The following C7 variants were observed in gnomAD, a reference collection of about 807,000 sequenced individuals.
C7 encodes the protein complement C7.
C7 carries 83 observed loss-of-function variants against 104.8 expected under a neutral mutation model. That is an observed-to-expected ratio of 0.79 (90% CI 0.66 to 0.95). The LOEUF is 0.95. Ranked by LOEUF, C7 falls within the 40% of genes least tolerant of loss-of-function variation. The probability of loss-of-function intolerance (pLI) is 0.00; values close to 1 mark genes in which losing one functional copy is unlikely to be tolerated. For synonymous variants in C7, 415 were observed against 360.6 expected, an observed-to-expected ratio of 1.15 and a Z score of -1.71; for missense variants, 1,070 against 1,011.2, an observed-to-expected ratio of 1.06 and a Z score of -0.79.
intron 4 of C7, among the ~76,000 whole-genome samples, chr5:40,935,506 G>A (rs1156990698): frequency 6.6e-6 from 1 of 152,160 alleles, no homozygotes; most frequent in Non-Finnish European, 1.5e-5. Context: ...AGGCAGCGAT[G>A]GTTTTCAAGA....
intron 10 of C7, among the ~76,000 whole-genome samples, chr5:40,955,883 A>C (rs1215051834): frequency 1.3e-5 from 2 of 152,154 alleles, no homozygotes; most frequent in Admixed American, 6.5e-5. Context: ...AGCAAGGGGA[A>C]GGCATGAAGT....
chr5:40,973,891 T>G (rs1740753055), intron 15 of C7, among the ~76,000 whole-genome samples: 1 of 152,174 alleles, frequency 6.6e-6, no homozygotes, highest in Non-Finnish European at 1.5e-5. Context: ...TTAAAGTGGG[T>G]TTTAATTAAG....
intron 6 of C7, among the ~76,000 whole-genome samples, chr5:40,938,380 A>G (rs1228563307): frequency 6.6e-6 from 1 of 151,900 alleles, no homozygotes; most frequent in Admixed American, 6.6e-5. Flanking sequence ...TTCTTCTGTT[A>G]CTTTTTTCAC....
At chr5:40,926,607 A>G (rs1241441404) in intron 1 of C7, among the ~76,000 whole-genome samples, 2 of 152,224 alleles carry the variant, frequency 1.3e-5, no homozygotes, top group Non-Finnish European at 2.9e-5. Context: ...GTACATTTCC[A>G]TAAACTAACA....
chr5:40,960,958 G>A (rs551877364), intron 12 of C7, among the ~76,000 whole-genome samples: 73 of 152,118 alleles, frequency 4.8e-4, no homozygotes, highest in African/African-American at 1.6e-3. Context: ...TGGCACTTGT[G>A]GGATGATATT....
At chr5:40,964,601 T>A in intron 13 of C7, 140 bp from the exon 14 acceptor site, 1 of 700,670 alleles carries the variant, frequency 1.4e-6, no homozygotes, top group Non-Finnish European at 2.4e-6. Flanking sequence ...GGGGAAAATG[T>A]TTTTATAGAC....
intron 1 of C7, among the ~76,000 whole-genome samples, chr5:40,916,053 G>T (rs1653638624): frequency 6.6e-6 from 1 of 150,964 alleles, no homozygotes; most frequent in Non-Finnish European, 1.5e-5. Context: ...GTAAAGATTT[G>T]AATTGTATCT....
chr5:40,942,955 G>A (rs1204033586), intron 6 of C7, among the ~76,000 whole-genome samples: 1 of 152,022 alleles, frequency 6.6e-6, no homozygotes, highest in Non-Finnish European at 1.5e-5. Context: ...AGTAGAGATG[G>A]GTTTCACCAT....
intron 6 of C7, among the ~76,000 whole-genome samples, chr5:40,938,745 T>C (rs1428439743): frequency 6.6e-6 from 1 of 152,194 alleles, no homozygotes; most frequent in Non-Finnish European, 1.5e-5. Context: ...TCAAAAGCTA[T>C]TTCTGTCATA....
At position 40,947,616 on chromosome 5, in the gene C7, G is replaced by A; in HGVS notation, c.753G>A (p.Leu251=). The A allele has an allele frequency of 6.2e-7, 1 of 1,613,182 alleles. No homozygotes were observed. The highest frequency in any genetic ancestry group is 8.5e-7 in the Non-Finnish European group (1 of 1,179,576). The change falls in exon 8 of 18, where the codon CTG becomes CTA. Residue 251 remains leucine (L), a synonymous_variant. Transcript: ENST00000313164. ...TCTTTCCACAGAGTTACCAACTGCT[G>A]GTTGTTGAGAACACTGTTGAAGTGG... is the stretch of plus-strand genomic sequence containing the variant. ...EIHKGKSYQL[L]VVENTVEVAQ...
chr5:40,945,863 CAAAA>C (rs1164817868), intron 7 of C7, among the ~76,000 whole-genome samples: 1 of 105,528 alleles, frequency 9.5e-6, no homozygotes, highest in African/African-American at 3.2e-5. Context: ...GACCCTGTCT[CAAAA>C]AAAAATACAT....
At chr5:40,949,826 C>G (rs375143087) in intron 8 of C7, 78 bp from the exon 9 acceptor site, 2 of 881,718 alleles carry the variant, frequency 2.3e-6, no homozygotes, top group Admixed American at 4.0e-5. Context: ...CAAACAACCT[C>G]TTATCCCTAC....
intron 14 of C7, among the ~76,000 whole-genome samples, chr5:40,970,233 T>C (rs182499813): frequency 6.6e-6 from 1 of 152,316 alleles, no homozygotes; most frequent in African/African-American, 2.4e-5. Context: ...TTTGAATGAA[T>C]AAATGAATGA....
intron 14 of C7, among the ~76,000 whole-genome samples, chr5:40,969,012 C>A (rs1740632233): frequency 6.6e-6 from 1 of 152,084 alleles, no homozygotes; most frequent in Admixed American, 6.6e-5. Flanking sequence ...TTACAAAAAA[C>A]TGACTAGAAA....
intron 1 of C7, among the ~76,000 whole-genome samples, chr5:40,914,753 A>T (rs559978338): frequency 6.6e-6 from 1 of 152,204 alleles, no homozygotes; most frequent in Non-Finnish European, 1.5e-5. Flanking sequence ...GGCCATCCCT[A>T]TTCTCAAGAG....
Position 40,920,812 on chromosome 5 carries a change from G to A in C7, c.7-7768G>A, listed in dbSNP as rs186568083. 2.0e-5 allele frequency among the ~76,000 whole-genome samples: 3 copies of A among 152,266 alleles called. No individual in the cohort carries two copies. In the East Asian group the frequency reaches 5.8e-4, roughly 29 times the overall value. ...GCCCATAATCCCAGCACTTTGGGAGGCCAAGGAGGGTGGATCACCTGAGGT... is the reference window on the plus strand; with the variant it reads ...GCCCATAATCCCAGCACTTTGGGAGACCAAGGAGGGTGGATCACCTGAGGT... On this transcript the variant is annotated intron_variant, in intron 1 of 17. Coordinates refer to ENST00000313164, the MANE Select transcript of C7 (RefSeq NM_000587.4).
intron 1 of C7, among the ~76,000 whole-genome samples, chr5:40,919,786 A>G (rs373248240): frequency 2.1e-3 from 316 of 152,286 alleles, no homozygotes; most frequent in Non-Finnish European, 3.4e-3. Flanking sequence ...TTGTTATCTT[A>G]AGATAAACAA....
intron 6 of C7, among the ~76,000 whole-genome samples, chr5:40,938,532 C>T (rs552189450): frequency 6.6e-6 from 1 of 152,300 alleles, no homozygotes; most frequent in African/African-American, 2.4e-5. Context: ...CCAGGGCATA[C>T]ACCTGGAACT....
chr5:40,964,560 T>C lies in C7; in HGVS notation c.1750-181T>C, dbSNP rs1232583787. The C allele has an allele frequency of 1.1e-5, 6 of 538,940 alleles. No homozygotes were observed. In the East Asian group the frequency reaches 1.8e-4, roughly 16 times the overall value. The allele number at this position is 538,940 out of a possible 1,614,324, so 33.4% of individuals were successfully genotyped here. ...GTGGTATTAATAGTTTTATTTCAATTAATGGTGGTGCTAGTGTTACTAACT... is the reference window on the plus strand; with the variant it reads ...GTGGTATTAATAGTTTTATTTCAATCAATGGTGGTGCTAGTGTTACTAACT... On this transcript the variant is annotated intron_variant, in intron 13 of 17. Transcript: ENST00000313164.
Sources: allele counts gnomAD v4.1 joint callset (sites outside exome capture counted in the v4.1 genomes callset), GRCh38; gene constraint gnomAD v4.1.1; transcripts MANE v1.5; gene names NCBI Gene and HGNC (gene_info 2026-07-23, HGNC 2026-07-21).